The following SV2C variants were observed in gnomAD, a reference collection of about 807,000 sequenced individuals.
The protein encoded by SV2C is synaptic vesicle glycoprotein 2C.
A neutral mutation model predicts 79.7 loss-of-function variants in SV2C; 49 were observed. The observed-to-expected ratio is 0.61, with a 90% confidence interval of 0.49 to 0.78. SV2C has a LOEUF of 0.78. Among genes scored for constraint, SV2C ranks in the 30% least tolerant of loss-of-function variants. SV2C has a pLI of 0.00. For missense variants in SV2C, 833 were observed against 912.9 expected (o/e 0.91, Z 1.13); for synonymous variants, 334 against 333.2 (o/e 1.00, Z -0.03).
chr5:76,134,356 T>C (rs1353914355), intron 2 of SV2C, among the ~76,000 whole-genome samples: 1 of 152,236 alleles, frequency 6.6e-6, no homozygotes. Flanking sequence ...TCACTCATAA[T>C]TGCATTCTAA....
At chr5:76,268,974 T>G (rs542410842) in intron 4 of SV2C, among the ~76,000 whole-genome samples, 3 of 152,356 alleles carry the variant, frequency 2.0e-5, no homozygotes, top group African/African-American at 7.2e-5. Context: ...TTTTCACACC[T>G]CTGTTAGAAA....
the SV2C span, among the ~76,000 whole-genome samples, chr5:76,015,560 ATAATCT>A: frequency 5.9e-5 from 9 of 152,230 alleles, no homozygotes; most frequent in African/African-American, 1.7e-4. Flanking sequence ...ATTCTTAGAA[ATAATCT>A]TAAATATATT....
chr5:76,044,859 G>GT, the SV2C span, among the ~76,000 whole-genome samples: 19 of 152,224 alleles, frequency 1.2e-4, no homozygotes, highest in African/African-American at 4.3e-4. Flanking sequence ...CTTCCATTCT[G>GT]TAGATTGTCT....
chr5:76,339,288 A>AT (rs1018391940), intron 12 of SV2C, among the ~76,000 whole-genome samples: 2 of 152,136 alleles, frequency 1.3e-5, no homozygotes, highest in African/African-American at 4.8e-5. Context: ...ATTTTTCTAT[A>AT]TTTTTTCAGT....
chr5:75,890,200 C>T, the SV2C span, among the ~76,000 whole-genome samples: 2 of 152,080 alleles, frequency 1.3e-5, no homozygotes, highest in Admixed American at 1.3e-4. Context: ...ATGAAGTCAG[C>T]ACTCCAGGAG....
At chr5:76,006,359 G>C in the SV2C span, among the ~76,000 whole-genome samples, 15 of 152,102 alleles carry the variant, frequency 9.9e-5, no homozygotes, top group African/African-American at 2.4e-5. Context: ...CTTTCAGAAA[G>C]AGATGCTATG....
the SV2C span, among the ~76,000 whole-genome samples, chr5:76,033,381 G>A: frequency 2.0e-5 from 3 of 152,182 alleles, no homozygotes; most frequent in Non-Finnish European, 4.4e-5. Flanking sequence ...ATGGTATTAG[G>A]TCTAACATTT....
intron 2 of SV2C, among the ~76,000 whole-genome samples, chr5:76,177,698 A>G (rs1197169676): frequency 6.6e-6 from 1 of 152,148 alleles, no homozygotes; most frequent in African/African-American, 2.4e-5. Context: ...GCTTTAAACA[A>G]TAGCCATTTT....
At chr5:76,073,525 A>AC in the SV2C span, among the ~76,000 whole-genome samples, 16 of 127,588 alleles carry the variant, frequency 1.3e-4, no homozygotes, top group African/African-American at 5.1e-4. Context: ...ATATATATAT[A>AC]TATATATATA....
chr5:76,262,727 G>A (rs2112459502), intron 4 of SV2C, among the ~76,000 whole-genome samples: 1 of 152,316 alleles, frequency 6.6e-6, no homozygotes, highest in South Asian at 2.1e-4. Context: ...CAGTTTCCAT[G>A]TAGTTGTGTG....
chr5:76,015,572 A>G, the SV2C span, among the ~76,000 whole-genome samples: 1 of 152,040 alleles, frequency 6.6e-6, no homozygotes, highest in Non-Finnish European at 1.5e-5. Flanking sequence ...AATCTTAAAT[A>G]TATTATATAT....
the SV2C span, among the ~76,000 whole-genome samples, chr5:75,997,524 G>A: frequency 1.3e-5 from 2 of 152,088 alleles, no homozygotes; most frequent in Non-Finnish European, 2.9e-5. Flanking sequence ...TCAAAAAGTG[G>A]GTGAAGGGTA....
chr5:75,976,271 TTCTC>T, the SV2C span, among the ~76,000 whole-genome samples: 4 of 152,256 alleles, frequency 2.6e-5, no homozygotes, highest in South Asian at 8.3e-4. Flanking sequence ...TTCATATTCA[TTCTC>T]TCTCTCACTC....
chr5:76,234,672 G>C (rs1745556435), intron 4 of SV2C, among the ~76,000 whole-genome samples: 1 of 152,204 alleles, frequency 6.6e-6, no homozygotes, highest in African/African-American at 2.4e-5. Context: ...CCCTTTGCAA[G>C]AGCATTATAA....
chr5:76,147,890 C>T (rs1481430198), intron 2 of SV2C, among the ~76,000 whole-genome samples: 2 of 152,104 alleles, frequency 1.3e-5, no homozygotes, highest in Admixed American at 6.5e-5. Context: ...AATTTAAACG[C>T]TTCCTGATGA....
At chr5:76,041,910 C>T in the SV2C span, among the ~76,000 whole-genome samples, 6 of 152,268 alleles carry the variant, frequency 3.9e-5, no homozygotes, top group Middle Eastern at 3.4e-3. Flanking sequence ...GAGAATCTAG[C>T]GTCCTCCCCT....
chr5:76,258,084 T>A (rs1344014160), intron 4 of SV2C, among the ~76,000 whole-genome samples: 1 of 144,506 alleles, frequency 6.9e-6, no homozygotes, highest in Non-Finnish European at 1.5e-5. Flanking sequence ...GGGGGTGTGG[T>A]ATGTGGTGTG....
intron 4 of SV2C, among the ~76,000 whole-genome samples, chr5:76,269,132 G>A (rs898377753): frequency 6.6e-6 from 1 of 152,116 alleles, no homozygotes; most frequent in African/African-American, 2.4e-5. Flanking sequence ...TTGTTTGAAG[G>A]TGGTGAGCCT....
the SV2C span, among the ~76,000 whole-genome samples, chr5:75,876,570 ATAAAAGT>A: frequency 6.6e-6 from 1 of 152,142 alleles, no homozygotes; most frequent in Admixed American, 6.6e-5. Context: ...CAAATCTAAA[ATAAAAGT>A]TAAAAAAGGA....
Sources: allele counts gnomAD v4.1 joint callset (sites outside exome capture counted in the v4.1 genomes callset), GRCh38; gene constraint gnomAD v4.1.1; transcripts MANE v1.5; gene names NCBI Gene and HGNC (gene_info 2026-07-23, HGNC 2026-07-21).